The following CPED1 variants were observed in gnomAD, a reference collection of about 807,000 sequenced individuals.
CPED1 encodes cadherin like and PC-esterase domain containing 1, also known as cadherin-like and PC-esterase domain-containing protein 1.
CPED1 carries 114 observed loss-of-function variants against 128.2 expected under a neutral mutation model. The observed-to-expected ratio is 0.89, with a 90% CI of 0.76 to 1.04. CPED1 has a LOEUF of 1.04. Ranked by LOEUF, CPED1 falls within the 50% of genes least tolerant of loss-of-function variation. The pLI is 0.00. For missense variants in CPED1, 1,211 were observed against 1,207.1 expected (o/e 1.00, Z -0.05); for synonymous variants, 462 against 426.7 (o/e 1.08, Z -1.02).
chr7:121,137,543 T>C (rs1415207861), intron 14 of CPED1, among the ~76,000 whole-genome samples: 1 of 152,058 alleles, frequency 6.6e-6, no homozygotes, highest in Non-Finnish European at 1.5e-5. Context: ...ATTTAATTCA[T>C]TCATGATGTT....
intron 5 of CPED1, among the ~76,000 whole-genome samples, chr7:121,091,600 A>G (rs1794572865): frequency 6.6e-6 from 1 of 152,186 alleles, no homozygotes; most frequent in Non-Finnish European, 1.5e-5. Flanking sequence ...TAATAGTAGC[A>G]ACTGTGTAAC....
Position 121,296,742 on chromosome 7 carries a change from T to C in CPED1, c.*1090T>C, listed in dbSNP as rs1173512105. The C allele has an allele frequency of 6.6e-6, 1 of 152,254 alleles. No homozygotes were observed. Among genetic ancestry groups the C allele is most frequent in the Non-Finnish European group, 1.5e-5 (1 of 67,960 alleles). The allele number at this position is 152,254 out of a possible 1,614,324, so 9.4% of individuals were successfully genotyped here. Reference sequence around the variant, plus strand: ...TAATTATAGTAGTGAGAACTATTTCTTTTATCTCTTTAGGTTCAAAATGGT... The same window carrying C: ...TAATTATAGTAGTGAGAACTATTTCCTTTATCTCTTTAGGTTCAAAATGGT... On this transcript the variant is annotated 3_prime_UTR_variant, in exon 23 of 23. Coordinates refer to ENST00000310396, the MANE Select transcript of CPED1 (RefSeq NM_024913.5).
intron 7 of CPED1, among the ~76,000 whole-genome samples, chr7:121,122,075 A>C (rs1426612402): frequency 6.6e-6 from 1 of 151,990 alleles, no homozygotes; most frequent in Non-Finnish European, 1.5e-5. Context: ...TTTAATTTCT[A>C]GCATATGTAG....
intron 5 of CPED1, among the ~76,000 whole-genome samples, chr7:121,081,960 A>G (rs1404195987): frequency 2.6e-5 from 4 of 152,142 alleles, no homozygotes; most frequent in Admixed American, 6.6e-5. Context: ...TTCATGGCGC[A>G]TTTTGCCCCA....
At chr7:121,210,835 G>C (rs1170836923) in intron 16 of CPED1, among the ~76,000 whole-genome samples, 3 of 151,930 alleles carry the variant, frequency 2.0e-5, no homozygotes, top group South Asian at 4.1e-4. Flanking sequence ...ACAAAGAAAT[G>C]ATGAGTACTC....
At chr7:121,069,303 T>G (rs780045540) in intron 5 of CPED1, among the ~76,000 whole-genome samples, 6 of 152,168 alleles carry the variant, frequency 3.9e-5, no homozygotes, top group Non-Finnish European at 8.8e-5. Flanking sequence ...ACTTCAGTTT[T>G]CTTCTCTCTA....
At chr7:121,114,877 A>G (rs1159498016) in intron 7 of CPED1, among the ~76,000 whole-genome samples, 1 of 152,244 alleles carries the variant, frequency 6.6e-6, no homozygotes. Context: ...AGGTACTTCT[A>G]CTGTTTACTG....
At chr7:121,058,106 T>G (rs1239574774) in intron 4 of CPED1, among the ~76,000 whole-genome samples, 1 of 150,558 alleles carries the variant, frequency 6.6e-6, no homozygotes, top group East Asian at 2.0e-4. Flanking sequence ...TGAAGTAGAG[T>G]GAATGTAGTA....
At chr7:120,993,050 C>T (rs1796334625) in intron 2 of CPED1, among the ~76,000 whole-genome samples, 1 of 152,160 alleles carries the variant, frequency 6.6e-6, no homozygotes, top group Non-Finnish European at 1.5e-5. Context: ...CTTGGCTAAG[C>T]AGATGTATTT....
At chr7:121,267,188 C>A in intron 20 of CPED1, 27 bp from the exon 21 acceptor site, 1 of 1,223,724 alleles carries the variant, frequency 8.2e-7, no homozygotes, top group Non-Finnish European at 1.2e-6. Context: ...AAGTTACTGA[C>A]TTTAGAATTA....
rs112573396 is a variant in CPED1 at position 121,058,605 on chromosome 7, G to A, written c.541-5633G>A. 2.0e-5 allele frequency among the ~76,000 whole-genome samples: 3 copies of A among 152,228 alleles called. No homozygotes were observed. In the East Asian group the frequency reaches 5.8e-4, roughly 29 times the overall value. On this transcript the variant is annotated intron_variant, in intron 4 of 22. Coordinates refer to ENST00000310396, the MANE Select transcript of CPED1 (RefSeq NM_024913.5). ...TCTAAGACCTCCTAGCTAATAAAAC[G>A]ACCAAGATGCAAACTCAGGCAGTCT...
chr7:121,063,781 AAAC>A (rs1235595061), intron 4 of CPED1, among the ~76,000 whole-genome samples: 3 of 151,452 alleles, frequency 2.0e-5, no homozygotes, highest in Non-Finnish European at 4.4e-5. Flanking sequence ...AGCTGTCTAA[AAAC>A]AAGTTTTGGT....
intron 16 of CPED1, among the ~76,000 whole-genome samples, chr7:121,200,926 A>T (rs1797381045): frequency 1.3e-5 from 2 of 148,230 alleles, no homozygotes. Flanking sequence ...TTCATAGGAG[A>T]ATATCCACAT....
At chr7:121,245,109 A>T (rs1361027616) in intron 18 of CPED1, among the ~76,000 whole-genome samples, 1 of 152,184 alleles carries the variant, frequency 6.6e-6, no homozygotes, top group African/African-American at 2.4e-5. Context: ...CTGATTTCAA[A>T]AGCTGATTTT....
At chr7:121,031,329 C>A (rs937937189) in intron 3 of CPED1, among the ~76,000 whole-genome samples, 1 of 151,386 alleles carries the variant, frequency 6.6e-6, no homozygotes, top group African/African-American at 2.4e-5. Flanking sequence ...TTGTTTTTTT[C>A]GAGATGGAGT....
At chr7:121,191,473 C>A (rs1009386061) in intron 16 of CPED1, among the ~76,000 whole-genome samples, 1 of 152,110 alleles carries the variant, frequency 6.6e-6, no homozygotes, top group Non-Finnish European at 1.5e-5. Flanking sequence ...GGGGTTCTTT[C>A]TATGGCTGTT....
chr7:121,290,430 A>G (rs866970337), intron 22 of CPED1, among the ~76,000 whole-genome samples: 1 of 152,222 alleles, frequency 6.6e-6, no homozygotes, highest in Non-Finnish European at 1.5e-5. Flanking sequence ...CCAACAGTGT[A>G]AAAGCGTTCC....
intron 2 of CPED1, among the ~76,000 whole-genome samples, chr7:121,003,878 G>T (rs760023966): frequency 1.3e-5 from 2 of 152,144 alleles, no homozygotes; most frequent in African/African-American, 2.4e-5. Flanking sequence ...ATAGCCATGA[G>T]GGTAATAAGA....
intron 5 of CPED1, among the ~76,000 whole-genome samples, chr7:121,081,156 C>T (rs1301418009): frequency 1.3e-5 from 2 of 152,130 alleles, no homozygotes; most frequent in Admixed American, 6.6e-5. Context: ...TGCATTGTCA[C>T]AGGCGTCTAG....
Sources: allele counts gnomAD v4.1 joint callset (sites outside exome capture counted in the v4.1 genomes callset), GRCh38; gene constraint gnomAD v4.1.1; transcripts MANE v1.5; gene names NCBI Gene and HGNC (gene_info 2026-07-23, HGNC 2026-07-21).